Variants in ENTHD1 observed in about 807,000 individuals in gnomAD.
ENTHD1 encodes the protein ENTH domain-containing protein 1.
In ENTHD1, 23 loss-of-function variants were observed where a neutral mutation model predicts 39.1. The observed-to-expected ratio is 0.59, with a 90% CI of 0.42 to 0.83. The LOEUF is 0.83. Among genes scored for constraint, ENTHD1 ranks in the 40% least tolerant of loss-of-function variants. The pLI is 0.00. For missense variants in ENTHD1, 624 were observed against 705.4 expected (o/e 0.88, Z 1.31); for synonymous variants, 230 against 258.2 (o/e 0.89, Z 1.05).
At chr22:39,875,480 T>C in intron 2 of ENTHD1, 3 of 1,561,150 alleles carry the variant, frequency 1.9e-6, no homozygotes, top group Non-Finnish European at 2.6e-6. Flanking sequence ...GCGCCGGCCT[T>C]TGGTCGCCTC....
intron 5 of ENTHD1, among the ~76,000 whole-genome samples, chr22:39,793,355 T>TG (rs200091999): frequency 1.3e-5 from 2 of 151,228 alleles, no homozygotes; most frequent in African/African-American, 4.9e-5. Context: ...TTTTTTTTTT[T>TG]GCTGTTGTTT....
chr22:39,754,886 C>G (rs1201133357), intron 6 of ENTHD1, among the ~76,000 whole-genome samples: 2 of 152,222 alleles, frequency 1.3e-5, no homozygotes, highest in African/African-American at 4.8e-5. Flanking sequence ...TACTGACCAG[C>G]ACTGTCTTCA....
chr22:39,825,102 T>C (rs1331644995), intron 4 of ENTHD1, among the ~76,000 whole-genome samples: 1 of 152,214 alleles, frequency 6.6e-6, no homozygotes, highest in African/African-American at 2.4e-5. Flanking sequence ...CATCAGTATT[T>C]TATAATTCTC....
chr22:39,743,781 A>G lies in ENTHD1; in HGVS notation c.1722T>C (p.Asn574=). The part of the protein sequence containing the change: ...EDLSTVIQEL[N]VINNILMSMS... ...TGCTCATCAAGATGTTATTGATGAC[A>G]TTAAGTTCTTGGATCACTGTGCTCA... Residue 574 remains asparagine (N), a synonymous_variant, in exon 7 of 7, where the codon AAT becomes AAC. Coordinates refer to ENST00000325157, the MANE Select transcript of ENTHD1 (RefSeq NM_152512.4). The G allele has an allele frequency of 6.2e-7, 1 of 1,614,198 alleles. No individual in the cohort carries two copies. The highest frequency in any genetic ancestry group is 8.5e-7 in the Non-Finnish European group (1 of 1,180,016).
intron 5 of ENTHD1, among the ~76,000 whole-genome samples, chr22:39,790,119 A>G (rs1034890964): frequency 1.9e-4 from 29 of 152,324 alleles, no homozygotes; most frequent in East Asian, 1.9e-4. Context: ...TCAGAAAGAC[A>G]GTTGACAGTC....
At chr22:39,775,327 C>A (rs1439084090) in intron 5 of ENTHD1, among the ~76,000 whole-genome samples, 1 of 152,100 alleles carries the variant, frequency 6.6e-6, no homozygotes, top group African/African-American at 2.4e-5. Flanking sequence ...GCAGAGTATA[C>A]CTGTATTCAC....
At chr22:39,776,057 T>G (rs914598726) in intron 5 of ENTHD1, among the ~76,000 whole-genome samples, 11 of 151,998 alleles carry the variant, frequency 7.2e-5, no homozygotes, top group Admixed American at 7.2e-4. Flanking sequence ...CTGGTTAATT[T>G]TTTTTTTTTA....
chr22:39,834,735 T>C (rs1275060745), intron 4 of ENTHD1, among the ~76,000 whole-genome samples: 1 of 152,162 alleles, frequency 6.6e-6, no homozygotes, highest in Non-Finnish European at 1.5e-5. Context: ...TATTCTTCAA[T>C]GAATGAATGG....
At chr22:39,791,649 C>T (rs967156824) in intron 5 of ENTHD1, among the ~76,000 whole-genome samples, 18 of 152,252 alleles carry the variant, frequency 1.2e-4, no homozygotes, top group African/African-American at 4.1e-4. Flanking sequence ...CTGCCTGCCT[C>T]AGCCTCCCAA....
At chr22:39,848,097 A>G (rs1161919974) in intron 3 of ENTHD1, among the ~76,000 whole-genome samples, 1 of 152,174 alleles carries the variant, frequency 6.6e-6, no homozygotes, top group Non-Finnish European at 1.5e-5. Context: ...GCTGGCAACC[A>G]GGGGCCACTC....
At chr22:39,755,847 T>C (rs2065180399) in intron 6 of ENTHD1, among the ~76,000 whole-genome samples, 1 of 152,180 alleles carries the variant, frequency 6.6e-6, no homozygotes, top group Admixed American at 6.5e-5. Context: ...TATCTCAATG[T>C]GGTAGTTCCA....
chr22:39,871,524 A>G (rs953694570), intron 2 of ENTHD1, among the ~76,000 whole-genome samples: 1 of 152,242 alleles, frequency 6.6e-6, no homozygotes. Context: ...TGACCTTAGC[A>G]TATACTTACC....
At chr22:39,777,736 T>C (rs2084587780) in intron 5 of ENTHD1, among the ~76,000 whole-genome samples, 1 of 152,192 alleles carries the variant, frequency 6.6e-6, no homozygotes. Context: ...ATAAAACAGG[T>C]AGAGGGTGCT....
At chr22:39,808,984 A>G (rs1212938902) in intron 5 of ENTHD1, among the ~76,000 whole-genome samples, 3 of 152,234 alleles carry the variant, frequency 2.0e-5, no homozygotes, top group Non-Finnish European at 4.4e-5. Flanking sequence ...TGTCAACCAC[A>G]TAATACACAG....
At chr22:39,847,913 G>C (rs1467833479) in intron 3 of ENTHD1, among the ~76,000 whole-genome samples, 1 of 152,216 alleles carries the variant, frequency 6.6e-6, no homozygotes, top group African/African-American at 2.4e-5. Flanking sequence ...CAGAAGTGCA[G>C]GCAGGTTAAA....
At chr22:39,816,815 G>C (rs2065736958) in intron 5 of ENTHD1, among the ~76,000 whole-genome samples, 1 of 151,732 alleles carries the variant, frequency 6.6e-6, no homozygotes. Flanking sequence ...CTTCTACAAA[G>C]ACACCATTAA....
intron 5 of ENTHD1, among the ~76,000 whole-genome samples, chr22:39,775,015 C>T (rs1359589833): frequency 2.0e-5 from 3 of 152,204 alleles, no homozygotes; most frequent in Non-Finnish European, 4.4e-5. Context: ...CATTCAAACA[C>T]AACCTCCTTA....
chr22:39,851,292 G>A (rs2066036684), intron 3 of ENTHD1, among the ~76,000 whole-genome samples: 1 of 152,026 alleles, frequency 6.6e-6, no homozygotes, highest in Admixed American at 6.6e-5. Context: ...ATATCTTCTA[G>A]CTCACTAAAT....
rs1392931071 is a variant in ENTHD1, at chr22:39,887,454, T to G, written c.295A>C (p.Asn99His). 1.1e-5 allele frequency: 17 copies of G among 1,613,864 alleles called. No homozygotes were observed. Among genetic ancestry groups the G allele is most frequent in the Non-Finnish European group, 1.4e-5 (17 of 1,179,972 alleles). ...VIQHCREGFC[N>H]LQTLKDFQHI... is the part of the protein sequence containing the mutation. ...TGAAAATCTTTTAGTGTTTGAAGGT[T>G]ACAGAACCCCTCTCTGCAATGCTGA... The change falls in exon 2 of 7, where the codon AAC (asparagine) becomes CAC (histidine). Residue 99 changes from asparagine to histidine, a missense_variant. By Grantham distance (68) the Asn-to-His change is moderately conservative. Coordinates refer to ENST00000325157, the MANE Select transcript of ENTHD1 (RefSeq NM_152512.4).
Sources: allele counts gnomAD v4.1 joint callset (sites outside exome capture counted in the v4.1 genomes callset), GRCh38; gene constraint gnomAD v4.1.1; transcripts MANE v1.5; gene names NCBI Gene and HGNC (gene_info 2026-07-23, HGNC 2026-07-21).